Variants in FER1L6 observed in about 807,000 individuals in gnomAD.
The protein encoded by FER1L6 is fer-1 like family member 6, also known as fer-1-like protein 6.
FER1L6 carries 177 observed loss-of-function variants against 219.2 expected under a neutral mutation model. The observed-to-expected ratio is 0.81, with a 90% confidence interval of 0.71 to 0.91. FER1L6 has a LOEUF of 0.91. FER1L6 is among the 40% of genes least tolerant of loss of function. The probability of loss-of-function intolerance (pLI) is 0.00; values close to 1 mark genes in which losing one functional copy is unlikely to be tolerated. For missense variants in FER1L6, 2,153 were observed against 2,259.9 expected (o/e 0.95, Z 0.96); for synonymous variants, 768 against 824.3 (o/e 0.93, Z 1.17).
At chr8:123,918,288 G>A (rs1385629821) in intron 1 of FER1L6, among the ~76,000 whole-genome samples, 10 of 146,790 alleles carry the variant, frequency 6.8e-5, no homozygotes, top group Admixed American at 2.1e-4. Context: ...CAGCCTGGGT[G>A]ACAGAGAGAC....
chr8:123,974,060 G>A (rs1815941288), intron 7 of FER1L6, among the ~76,000 whole-genome samples: 1 of 152,188 alleles, frequency 6.6e-6, no homozygotes, highest in Non-Finnish European at 1.5e-5. Flanking sequence ...TCCCTGATTT[G>A]TAGGAAAGAG....
chr8:123,973,486 A>C lies in FER1L6; in HGVS notation c.500A>C (p.Asp167Ala). The C allele has an allele frequency of 6.2e-7, 1 of 1,614,022 alleles. No individual in the cohort carries two copies. Among genetic ancestry groups the C allele is most frequent in the Non-Finnish European group, 8.5e-7 (1 of 1,179,930 alleles). ...GSVLIGSFKV[D>A]LGTVYNQPGH... The stretch of plus-strand genomic sequence containing the variant: ...GTACTGATTGGCTCTTTCAAAGTAG[A>C]CCTGGGGACCGTGTACAACCAACCT... The change falls in exon 7 of 41, where the codon GAC becomes GCC. Residue 167 changes from aspartate to alanine, a missense_variant. Transcript: ENST00000522917.
At chr8:124,055,091 T>TA (rs1820223080) in intron 22 of FER1L6, among the ~76,000 whole-genome samples, 1 of 152,118 alleles carries the variant, frequency 6.6e-6, no homozygotes. Flanking sequence ...ATGTGAGGTT[T>TA]ATCTCCACAT....
At chr8:123,876,338 G>A (rs1285397066) in intron 1 of FER1L6, among the ~76,000 whole-genome samples, 1 of 138,680 alleles carries the variant, frequency 7.2e-6, no homozygotes, top group Non-Finnish European at 1.6e-5. Context: ...TTTTTTTTTT[G>A]AGATGAGTCT....
chr8:124,001,062 T>C (rs578092667), intron 12 of FER1L6, among the ~76,000 whole-genome samples: 3 of 152,182 alleles, frequency 2.0e-5, no homozygotes, highest in South Asian at 4.1e-4. Flanking sequence ...TAAGAACACA[T>C]GGTCATACGT....
At chr8:124,095,868 T>C (rs1451918109) in intron 35 of FER1L6, among the ~76,000 whole-genome samples, 2 of 152,196 alleles carry the variant, frequency 1.3e-5, no homozygotes, top group Non-Finnish European at 2.9e-5. Flanking sequence ...GCTCAATTAA[T>C]TTGCTCTGAA....
chr8:124,087,694 C>CGCTT (rs976976595), intron 33 of FER1L6, among the ~76,000 whole-genome samples: 58 of 152,124 alleles, frequency 3.8e-4, no homozygotes, highest in African/African-American at 1.3e-3. Flanking sequence ...TTGCAGTCTG[C>CGCTT]GCTTGTTTGT....
At chr8:123,948,740 G>A (rs1299174847) in intron 1 of FER1L6, among the ~76,000 whole-genome samples, 1 of 151,058 alleles carries the variant, frequency 6.6e-6, no homozygotes, top group African/African-American at 2.4e-5. Context: ...AGGGCCTCCA[G>A]TGCAGTGTTA....
chr8:123,917,669 A>G (rs1362697321), intron 1 of FER1L6, among the ~76,000 whole-genome samples: 2 of 152,212 alleles, frequency 1.3e-5, no homozygotes, highest in Admixed American at 6.5e-5. Context: ...CAAAAAGTAA[A>G]ATTAATCCCA....
chr8:124,032,249 AC>A (rs5894687), intron 18 of FER1L6, among the ~76,000 whole-genome samples: 46,171 of 151,994 alleles, frequency 0.3, 7,199 homozygotes, highest in South Asian at 0.35. Context: ...ACATGGTGAA[AC>A]CCTATCTCTA....
At chr8:123,909,782 CTGTCCTTGTCAACTAGGG>C (rs1813019579) in intron 1 of FER1L6, among the ~76,000 whole-genome samples, 1 of 150,728 alleles carries the variant, frequency 6.6e-6, no homozygotes, top group South Asian at 2.1e-4. Context: ...GATGATGTAG[CTGTCCTTGTCAACTAGGG>C]GATGATGTAG....
intron 33 of FER1L6, among the ~76,000 whole-genome samples, chr8:124,089,325 G>A (rs907273287): frequency 2.0e-5 from 3 of 152,164 alleles, no homozygotes; most frequent in Non-Finnish European, 4.4e-5. Context: ...CAATTATTGT[G>A]TTCTTCCTTC....
chr8:123,865,731 G>A (rs1816824701), intron 1 of FER1L6, among the ~76,000 whole-genome samples: 2 of 151,352 alleles, frequency 1.3e-5, no homozygotes, highest in South Asian at 2.1e-4. Flanking sequence ...TCGGGTGGGA[G>A]TGACCCGATT....
chr8:123,863,892 T>A (rs1201564078), intron 1 of FER1L6, among the ~76,000 whole-genome samples: 1 of 151,150 alleles, frequency 6.6e-6, no homozygotes, highest in East Asian at 1.9e-4. Flanking sequence ...GTGAGATGGG[T>A]TTCCTGAGTA....
chr8:124,073,032 C>G (rs1821141122), intron 31 of FER1L6, among the ~76,000 whole-genome samples: 1 of 143,730 alleles, frequency 7.0e-6, no homozygotes, highest in African/African-American at 2.6e-5. Flanking sequence ...TCTTGAACAG[C>G]ATTTTCTAAA....
At chr8:124,066,306 G>T in intron 26 of FER1L6, 122 bp from the exon 27 acceptor site, 1 of 1,088,302 alleles carries the variant, frequency 9.2e-7, no homozygotes. Flanking sequence ...CACAAAACCA[G>T]TGGATACCTC....
chr8:123,896,571 G>A (rs1263971818), intron 1 of FER1L6, among the ~76,000 whole-genome samples: 2 of 152,108 alleles, frequency 1.3e-5, no homozygotes, highest in Non-Finnish European at 2.9e-5. Context: ...CTGAAAGTTC[G>A]CGAGTCTCTC....
Position 123,980,522 on chromosome 8 carries a change from A to C in FER1L6, c.1121A>C (p.His374Pro). 1 of 1,614,128 alleles carries C rather than the reference A, an allele frequency of 6.2e-7. No individual in the cohort carries two copies. Among genetic ancestry groups the C allele is most frequent in the Non-Finnish European group, 8.5e-7 (1 of 1,180,004 alleles). The change falls in exon 11 of 41, where the codon CAC becomes CCC. Residue 374 changes from histidine to proline, a missense_variant. Physicochemically the swap from His to Pro is moderately conservative, Grantham distance 77. Transcript: ENST00000522917. ...WINLYGSPRNHSLMDDYQEMN... is the reference protein window; with the variant it reads ...WINLYGSPRNPSLMDDYQEMN... ...AACCTGTATGGCTCGCCCAGGAACC[A>C]CAGTCTGATGGATGACTACCAGGAA...
chr8:123,932,283 GTTTTTA>G (rs1813801851), intron 1 of FER1L6, among the ~76,000 whole-genome samples: 1 of 151,816 alleles, frequency 6.6e-6, no homozygotes, highest in African/African-American at 2.4e-5. Context: ...TAATTTTTGT[GTTTTTA>G]GTAGAGACAG....
Sources: gnomAD v4.1 joint callset for allele counts (sites outside exome capture counted in the v4.1 genomes callset) on GRCh38, gnomAD v4.1.1 for gene constraint, MANE v1.5 for transcripts, NCBI Gene and HGNC (gene_info 2026-07-23, HGNC 2026-07-21) for gene names.